Variants in ATP9A observed in about 807,000 individuals in gnomAD.
ATP9A encodes the protein ATPase phospholipid transporting 9A.
Under a neutral mutation model 144.1 loss-of-function variants are expected in ATP9A, and 52 were observed. That is an observed-to-expected ratio of 0.36 (90% CI 0.29 to 0.45). The LOEUF (loss-of-function observed/expected upper bound fraction) is 0.45. Ranked by LOEUF, ATP9A falls within the 20% of genes least tolerant of loss-of-function variation. The pLI is 1.00. For missense variants in ATP9A, 947 were observed against 1,392.7 expected (o/e 0.68, Z 5.09); for synonymous variants, 582 against 557.4 (o/e 1.04, Z -0.62).
chr20:51,717,692 A>G (rs1160205025), intron 3 of ATP9A, among the ~76,000 whole-genome samples: 4 of 152,156 alleles, frequency 2.6e-5, no homozygotes, highest in Non-Finnish European at 5.9e-5. Context: ...GTGGTGGCTC[A>G]TTCCCATAAT....
At chr20:51,738,566 T>C (rs1186269803) in intron 1 of ATP9A, among the ~76,000 whole-genome samples, 1 of 151,768 alleles carries the variant, frequency 6.6e-6, no homozygotes, top group Non-Finnish European at 1.5e-5. Flanking sequence ...TAGCTGGGCA[T>C]GGTGGCGCAT....
At chr20:51,717,562 G>T (rs2077667703) in intron 3 of ATP9A, among the ~76,000 whole-genome samples, 1 of 152,148 alleles carries the variant, frequency 6.6e-6, no homozygotes, top group Non-Finnish European at 1.5e-5. Context: ...AACCTGCCTG[G>T]CTTCTATCCT....
Position 51,639,622 on chromosome 20 carries a change from G to A in ATP9A, c.1507-118C>T, listed in dbSNP as rs2077310211. 3 of 1,094,636 alleles carry A rather than the reference G, an allele frequency of 2.7e-6. No individual in the cohort carries two copies. In the East Asian group the frequency reaches 7.9e-5, roughly 29 times the overall value. The allele number at this position is 1,094,636 out of a possible 1,614,324, so 67.8% of individuals were successfully genotyped here. On this transcript the variant is annotated intron_variant, in intron 14 of 27. Coordinates refer to ENST00000338821, the MANE Select transcript of ATP9A (RefSeq NM_006045.3). ...AGACAGGGGAATCACAGTAGTCACT[G>A]CCCTTAGGGACGCCAAGTGCTCTGT... is the stretch of plus-strand genomic sequence containing the variant.
Position 51,690,834 on chromosome 20 carries a change from G to A in ATP9A, c.643-15C>T. On this transcript the variant is annotated splice_polypyrimidine_tract_variant and intron_variant, in intron 7 of 27. Transcript: ENST00000338821. The stretch of plus-strand genomic sequence containing the variant: ...TGAAGAAGGTCCTGTTCAACAGAAG[G>A]CACATTCGGGAGTCAAAGTCAGTTC... The A allele has an allele frequency of 6.2e-7, 1 of 1,610,760 alleles. No homozygotes were observed. Among genetic ancestry groups the A allele is most frequent in the Non-Finnish European group, 8.5e-7 (1 of 1,177,114 alleles).
intron 14 of ATP9A, among the ~76,000 whole-genome samples, chr20:51,644,764 A>T (rs1285719717): frequency 6.6e-6 from 1 of 151,564 alleles, no homozygotes; most frequent in Non-Finnish European, 1.5e-5. Context: ...AAAAAAAATT[A>T]TTCTTCAGGT....
At chr20:51,673,176 C>G (rs1332882115) in intron 11 of ATP9A, among the ~76,000 whole-genome samples, 1 of 152,050 alleles carries the variant, frequency 6.6e-6, no homozygotes, top group Non-Finnish European at 1.5e-5. Context: ...GAGTTCCAGA[C>G]CAGCCTGGCC....
At position 51,757,577 on chromosome 20, in the gene ATP9A, T is replaced by C. The variant is rs115854386; in HGVS notation, c.68+10725A>G. Among the ~76,000 whole-genome samples the C allele has an allele frequency of 2.2e-3, 340 of 152,096 alleles. 2 individuals carry two copies. The highest frequency in any genetic ancestry group is 7.4e-3 in the African/African-American group (305 of 41,464). ...CGCACAGGGCCTCTTCCAACTGTCT[T>C]CCCCCAGAGTTTCTGCAAATTCTGT... is the stretch of plus-strand genomic sequence containing the variant. On this transcript the variant is annotated intron_variant, in intron 1 of 27. Coordinates refer to ENST00000338821, the MANE Select transcript of ATP9A (RefSeq NM_006045.3).
At chr20:51,694,495 AC>A (rs1482955838) in intron 6 of ATP9A, among the ~76,000 whole-genome samples, 1 of 152,080 alleles carries the variant, frequency 6.6e-6, no homozygotes, top group Admixed American at 6.5e-5. Flanking sequence ...CAGGACCCAA[AC>A]CACCTGAGTG....
At chr20:51,741,290 G>A (rs1017725185) in intron 1 of ATP9A, among the ~76,000 whole-genome samples, 1 of 152,084 alleles carries the variant, frequency 6.6e-6, no homozygotes, top group Non-Finnish European at 1.5e-5. Flanking sequence ...TTAGTAAGTG[G>A]AGCTCACAGG....
chr20:51,755,108 ACT>A (rs890961134), intron 1 of ATP9A, among the ~76,000 whole-genome samples: 21 of 151,328 alleles, frequency 1.4e-4, no homozygotes, highest in Admixed American at 4.0e-4. Context: ...AAAGAGTGAG[ACT>A]CTGTCTCAAA....
chr20:51,726,646 G>A (rs948755341), intron 2 of ATP9A, among the ~76,000 whole-genome samples: 3 of 151,976 alleles, frequency 2.0e-5, no homozygotes, highest in African/African-American at 7.2e-5. Flanking sequence ...TGGCGTGATC[G>A]TAGCTCACTG....
intron 8 of ATP9A, among the ~76,000 whole-genome samples, chr20:51,690,108 T>A: frequency 4.9e-5 from 1 of 20,586 alleles, no homozygotes; most frequent in Admixed American, 8.8e-4. Context: ...GGAGACCGTC[T>A]CAAAAAAAAA....
At chr20:51,716,447 A>G (rs1310901110) in intron 3 of ATP9A, among the ~76,000 whole-genome samples, 1 of 151,366 alleles carries the variant, frequency 6.6e-6, no homozygotes, top group Non-Finnish European at 1.5e-5. Flanking sequence ...AACTACAAAA[A>G]GAATCAGCTG....
intron 14 of ATP9A, among the ~76,000 whole-genome samples, chr20:51,652,396 T>C (rs558682699): frequency 8.8e-4 from 134 of 152,362 alleles, no homozygotes; most frequent in African/African-American, 3.0e-3. Flanking sequence ...TGGTAGAAAT[T>C]ACTCCAGCAG....
In ATP9A at chr20:51,708,603, C is replaced by T. The variant is rs73616824; in HGVS notation, c.436+4363G>A. Among the ~76,000 whole-genome samples, 7 of 152,248 alleles carry T rather than the reference C, an allele frequency of 4.6e-5. No homozygotes were observed. The South Asian group carries it at 1.2e-3, about 27-fold the overall frequency. ...TACAAAAATTAGCCAGGCATGGTGGCGCACACCCGTAATCCCAGCTGCTTG... is the reference window on the plus strand; with the variant it reads ...TACAAAAATTAGCCAGGCATGGTGGTGCACACCCGTAATCCCAGCTGCTTG... On this transcript the variant is annotated intron_variant, in intron 4 of 27. Coordinates refer to ENST00000338821, the MANE Select transcript of ATP9A (RefSeq NM_006045.3).
At chr20:51,676,479 T>C (rs1176771619) in intron 9 of ATP9A, among the ~76,000 whole-genome samples, 1 of 152,102 alleles carries the variant, frequency 6.6e-6, no homozygotes, top group Non-Finnish European at 1.5e-5. Context: ...GGCTAACTTT[T>C]GGGTTTGTTT....
rs12625148 is a variant in ATP9A, at chr20:51,746,094, C to T, written c.69-16116G>A. ...CACAGGAAAAGAAAGCCAAATACCA[C>T]GTGTTCTCACTTATAAGTAGGAGCT... On this transcript the variant is annotated intron_variant, in intron 1 of 27. Transcript: ENST00000338821. Among the ~76,000 whole-genome samples the T allele has an allele frequency of 6.5e-3, 991 of 152,266 alleles. 43 individuals are homozygous for T. In the East Asian group the frequency reaches 0.13, roughly 20 times the overall value.
intron 1 of ATP9A, among the ~76,000 whole-genome samples, chr20:51,736,654 C>T (rs899897198): frequency 2.0e-5 from 3 of 152,026 alleles, no homozygotes; most frequent in African/African-American, 7.2e-5. Flanking sequence ...CGCGCCTGGC[C>T]CTCACATTGT....
chr20:51,657,457 G>A (rs1568806426), intron 13 of ATP9A, among the ~76,000 whole-genome samples: 2 of 152,070 alleles, frequency 1.3e-5, no homozygotes, highest in Non-Finnish European at 2.9e-5. Flanking sequence ...TTGACAGAAT[G>A]AGGACCCCAC....
Sources: allele counts gnomAD v4.1 joint callset (sites outside exome capture counted in the v4.1 genomes callset), GRCh38; gene constraint gnomAD v4.1.1; transcripts MANE v1.5; gene names NCBI Gene and HGNC (gene_info 2026-07-23, HGNC 2026-07-21).